Variants in ANXA8 observed in about 807,000 individuals in gnomAD.
ANXA8 encodes annexin A8, also known as VAC-beta.
ANXA8 carries 9 observed loss-of-function variants against 26.8 expected under a neutral mutation model. The ratio of observed to expected loss-of-function variants is 0.34; its 90% CI spans 0.20 to 0.59. The LOEUF is 0.59. Ranked by LOEUF, ANXA8 falls within the 20% of genes least tolerant of loss-of-function variation. The pLI, the probability that ANXA8 is intolerant of heterozygous loss-of-function variation, is 0.84. For synonymous variants in ANXA8, 39 were observed against 94.8 expected (o/e 0.41, Z 3.42); for missense variants, 83 against 238.5 (o/e 0.35, Z 4.29).
chr10:47,944,446 G>A, the ANXA8 span, among the ~76,000 whole-genome samples: 15 of 149,574 alleles, frequency 1.0e-4, no homozygotes, highest in African/African-American at 3.7e-4. Flanking sequence ...CTTTGTCTAG[G>A]ACAGACTGTG....
At position 47,483,868 on chromosome 10, in the gene ANXA8, C is replaced by T. The variant is rs1307132057; in HGVS notation, c.21+45G>A. On this transcript the variant is annotated intron_variant, in intron 1 of 11. Coordinates refer to ENST00000585281, the MANE Select transcript of ANXA8 (RefSeq NM_001040084.3). ...CTCAGGACTCCCTGGTGACCAGCAC[C>T]CAACACCATGCAGGAACCCAAATCT... 41 of 1,611,534 alleles carry T rather than the reference C, an allele frequency of 2.5e-5. 1 individual carries two copies. In the Middle Eastern group the frequency reaches 6.7e-4, roughly 26 times the overall value.
the ANXA8 span, among the ~76,000 whole-genome samples, chr10:47,773,993 GTT>G: frequency 7.1e-6 from 1 of 140,220 alleles, no homozygotes; most frequent in Non-Finnish European, 1.6e-5. Flanking sequence ...ATAGACTTGT[GTT>G]TAGTTAATCC....
chr10:47,957,875 C>T, the ANXA8 span, among the ~76,000 whole-genome samples: 4 of 150,124 alleles, frequency 2.7e-5, no homozygotes, highest in Non-Finnish European at 4.4e-5. Flanking sequence ...TAACAAAGTA[C>T]TGGTATCAAA....
At chr10:47,701,546 C>T in the ANXA8 span, among the ~76,000 whole-genome samples, 209 of 150,916 alleles carry the variant, frequency 1.4e-3, 1 homozygote, top group African/African-American at 4.8e-3. Context: ...AAGATCTCTA[C>T]GAACTGATAT....
the ANXA8 span, among the ~76,000 whole-genome samples, chr10:47,498,079 C>G: frequency 6.7e-6 from 1 of 150,116 alleles, no homozygotes; most frequent in Non-Finnish European, 1.5e-5. Context: ...ATTCACATTG[C>G]CATGCAACCA....
At chr10:47,914,877 A>G in the ANXA8 span, among the ~76,000 whole-genome samples, 2 of 151,222 alleles carry the variant, frequency 1.3e-5, no homozygotes, top group South Asian at 2.1e-4. Context: ...GTTATTTTCT[A>G]TTCCCTAAGT....
At chr10:47,958,870 GA>G in the ANXA8 span, among the ~76,000 whole-genome samples, 15 of 150,028 alleles carry the variant, frequency 1.0e-4, 1 homozygote, top group South Asian at 2.1e-4. Context: ...CAGCATGGGG[GA>G]AACCGCCCCC....
chr10:47,985,123 C>T, the ANXA8 span, among the ~76,000 whole-genome samples: 1 of 124,302 alleles, frequency 8.0e-6, no homozygotes, highest in Non-Finnish European at 1.9e-5. Context: ...CAAAACTCAA[C>T]AGTAAAAAAA....
At chr10:47,982,307 A>G in the ANXA8 span, among the ~76,000 whole-genome samples, 10 of 150,774 alleles carry the variant, frequency 6.6e-5, no homozygotes, top group Admixed American at 1.3e-4. Flanking sequence ...AAATGAAACA[A>G]AACAACCCCC....
At chr10:47,527,891 T>G in the ANXA8 span, among the ~76,000 whole-genome samples, 1 of 149,082 alleles carries the variant, frequency 6.7e-6, no homozygotes, top group Non-Finnish European at 1.5e-5. Context: ...TTTTTGAGGT[T>G]AGAAGAGAAG....
chr10:47,528,478 T>C, the ANXA8 span, among the ~76,000 whole-genome samples: 10 of 141,694 alleles, frequency 7.1e-5, no homozygotes, highest in African/African-American at 2.3e-4. Context: ...CCTGATACAC[T>C]AAACAAAACC....
At chr10:47,490,678 C>T in the ANXA8 span, among the ~76,000 whole-genome samples, 10 of 143,936 alleles carry the variant, frequency 6.9e-5, no homozygotes, top group Non-Finnish European at 1.4e-4. Flanking sequence ...TCATAAAAAA[C>T]TCAGAGGCTA....
At chr10:47,560,670 A>G in the ANXA8 span, among the ~76,000 whole-genome samples, 2 of 151,900 alleles carry the variant, frequency 1.3e-5, no homozygotes. Flanking sequence ...TGGCGTTAGC[A>G]CCCCTCCATG....
chr10:47,940,498 AG>A, the ANXA8 span, among the ~76,000 whole-genome samples: 1 of 146,166 alleles, frequency 6.8e-6, no homozygotes, highest in Non-Finnish European at 1.5e-5. Context: ...ACTAGACTTT[AG>A]GGCCTAGGGG....
At chr10:47,563,626 G>A in the ANXA8 span, 6 of 884,184 alleles carry the variant, frequency 6.8e-6, no homozygotes, top group Admixed American at 1.7e-5. Context: ...GCACTGATGT[G>A]AGTGTAGATG....
At chr10:47,666,816 C>T in the ANXA8 span, among the ~76,000 whole-genome samples, 1 of 151,954 alleles carries the variant, frequency 6.6e-6, no homozygotes, top group Admixed American at 6.6e-5. Flanking sequence ...ATTTCCTCTT[C>T]TCATAGGTAA....
the ANXA8 span, among the ~76,000 whole-genome samples, chr10:47,492,276 A>AG: frequency 2.0e-5 from 3 of 148,104 alleles, no homozygotes; most frequent in African/African-American, 4.9e-5. Flanking sequence ...CCCGAGTCAG[A>AG]GGGGGGCACA....
rs1839757477 is a variant in ANXA8 at position 47,480,903 on chromosome 10, TC to T, written c.22-1016del. Among the ~76,000 whole-genome samples, 155 of 126,898 alleles carry T rather than the reference TC, an allele frequency of 1.2e-3. 5 individuals carry two copies. Among genetic ancestry groups the T allele is most frequent in the African/African-American group, 3.8e-3 (141 of 36,962 alleles). 83.3% of individuals were successfully genotyped at this position (126,898 alleles called of 152,430 possible). ...ATCCATCCATCCATCCATCCATCCA[TC>T]CATCGAAGCCCTGGGTTAGATTGTG... On this transcript the variant is annotated intron_variant, in intron 1 of 11. Transcript: ENST00000585281.
the ANXA8 span, among the ~76,000 whole-genome samples, chr10:47,661,811 A>C: frequency 2.2e-4 from 30 of 134,216 alleles, no homozygotes; most frequent in African/African-American, 9.7e-4. Context: ...GCCTCCCAAA[A>C]TGCTGAGATT....
Sources: gnomAD v4.1 joint callset for allele counts (sites outside exome capture counted in the v4.1 genomes callset) on GRCh38, gnomAD v4.1.1 for gene constraint, MANE v1.5 for transcripts, NCBI Gene and HGNC (gene_info 2026-07-23, HGNC 2026-07-21) for gene names.